Variants in PCDHGB7 observed in about 807,000 individuals in gnomAD.
The protein encoded by PCDHGB7 is protocadherin gamma subfamily B, 7.
A neutral mutation model predicts 61.4 loss-of-function variants in PCDHGB7; 37 were observed. The ratio of observed to expected loss-of-function variants is 0.60; its 90% CI spans 0.46 to 0.79. The LOEUF is 0.79. Ranked by LOEUF, PCDHGB7 falls within the 30% of genes least tolerant of loss-of-function variation. The pLI is 0.00. For synonymous variants in PCDHGB7, 464 were observed against 503.5 expected (o/e 0.92, Z 1.05); for missense variants, 1,166 against 1,202.5 (o/e 0.97, Z 0.45).
chr5:141,443,243 C>T (rs755331096), intron 1 of PCDHGB7, among the ~76,000 whole-genome samples: 9 of 151,618 alleles, frequency 5.9e-5, no homozygotes, highest in Non-Finnish European at 1.0e-4. Flanking sequence ...CACTTTGGGG[C>T]GCCAAGGCGG....
chr5:141,476,040 G>T lies in PCDHGB7; in HGVS notation c.2416-18767G>T. On this transcript the variant is annotated intron_variant, in intron 1 of 3. Coordinates refer to ENST00000398594, the MANE Select transcript of PCDHGB7 (RefSeq NM_018927.4). This position sits in a 1 kb window ranked among gnomAD's most constrained non-coding sequence, Gnocchi z 7.6. ...CGGACTCGGCGCCCAGCGCCCAAGC[G>T]CTAACCCGCTGAAAGTTTCTCAGCG... is the stretch of plus-strand genomic sequence containing the variant. 1 of 1,488,704 alleles carries T rather than the reference G, an allele frequency of 6.7e-7. No homozygotes were observed. 92.2% of individuals were successfully genotyped at this position (1,488,704 alleles called of 1,614,324 possible).
chr5:141,456,327 G>C (rs917430790), intron 1 of PCDHGB7, among the ~76,000 whole-genome samples: 1 of 152,186 alleles, frequency 6.6e-6, no homozygotes, highest in African/African-American at 2.4e-5. Flanking sequence ...TCCTGGGGTT[G>C]ATCTAAGGGT....
At chr5:141,502,660 A>T (rs1423714257) in intron 2 of PCDHGB7, among the ~76,000 whole-genome samples, 2 of 152,208 alleles carry the variant, frequency 1.3e-5, no homozygotes, top group African/African-American at 4.8e-5. Flanking sequence ...GCAACCCTTC[A>T]TGCAATTTTA....
chr5:141,454,575 T>G (rs1430018751), intron 1 of PCDHGB7, among the ~76,000 whole-genome samples: 1 of 151,400 alleles, frequency 6.6e-6, no homozygotes, highest in African/African-American at 2.4e-5. Context: ...CCCGGCTAAT[T>G]TTGTATTTTT....
intron 1 of PCDHGB7, chr5:141,422,608 T>A: frequency 5.0e-6 from 8 of 1,613,956 alleles, no homozygotes; most frequent in Non-Finnish European, 5.1e-6. Context: ...TTACTCTGCC[T>A]ACATTCCCGA....
rs759647406 is a variant in PCDHGB7 at position 141,493,849 on chromosome 5, A to G, written c.2416-958A>G. Among the ~76,000 whole-genome samples the G allele has an allele frequency of 6.6e-6, 1 of 152,178 alleles. No individual in the cohort carries two copies. The highest frequency in any genetic ancestry group is 1.5e-5 in the Non-Finnish European group (1 of 68,028). ...CTGGGAGCAAGTATGAGTATTAATT[A>G]CCAGCCCACCCCAGAACCAGTGAGG... On this transcript the variant is annotated intron_variant, in intron 1 of 3. Coordinates refer to ENST00000398594, the MANE Select transcript of PCDHGB7 (RefSeq NM_018927.4). The surrounding 1 kb of genome is among the most constrained non-coding windows in gnomAD (Gnocchi z 4.3).
chr5:141,418,233 ATGT>A lies in PCDHGB7; in HGVS notation c.376_378del (p.Val126del). The A allele has an allele frequency of 6.2e-7, 1 of 1,614,048 alleles. No individual in the cohort carries two copies. The highest frequency in any genetic ancestry group is 1.7e-5 in the Admixed American group (1 of 60,028). On this transcript the variant is annotated inframe_deletion, in exon 1 of 4. Transcript: ENST00000398594. ...TTTCATGTCATTGTGGTGATTGAGG[ATGT>A]TAATGACCACGCCCCTCAATTCCGG...
intron 1 of PCDHGB7, chr5:141,423,206 C>A: frequency 6.2e-7 from 1 of 1,613,668 alleles, no homozygotes. Context: ...GCCACCGTCA[C>A]GCTCACCGTG....
intron 3 of PCDHGB7, among the ~76,000 whole-genome samples, chr5:141,510,440 C>T (rs1251795430): frequency 6.6e-6 from 1 of 152,066 alleles, no homozygotes; most frequent in Non-Finnish European, 1.5e-5. Context: ...TGCTGCCCTC[C>T]AGGAGCCCAT....
rs1481171398 is a variant in PCDHGB7 at position 141,455,879 on chromosome 5, ATTT to A, written c.2415+35606_2415+35608del. 3.8e-4 allele frequency among the ~76,000 whole-genome samples: 56 copies of A among 147,786 alleles called. No individual in the cohort carries two copies. In the East Asian group the frequency reaches 8.9e-3, roughly 23 times the overall value. On this transcript the variant is annotated intron_variant, in intron 1 of 3. Coordinates refer to ENST00000398594, the MANE Select transcript of PCDHGB7 (RefSeq NM_018927.4). ...TCTTTTATTATTTATTTATTTATTTATTTATTTATTTATTTATTTATTTATTTA... is the reference window on the plus strand; with the variant it reads ...TCTTTTATTATTTATTTATTTATTTAATTTATTTATTTATTTATTTATTTA...
In PCDHGB7 at chr5:141,491,665, C is replaced by A; in HGVS notation, c.2416-3142C>A. 1 of 1,613,764 alleles carries A rather than the reference C, an allele frequency of 6.2e-7. No individual in the cohort carries two copies. Among genetic ancestry groups the A allele is most frequent in the Admixed American group, 1.7e-5 (1 of 60,034 alleles). On this transcript the variant is annotated intron_variant, in intron 1 of 3. Coordinates refer to ENST00000398594, the MANE Select transcript of PCDHGB7 (RefSeq NM_018927.4). The surrounding 1 kb of genome is among the most constrained non-coding windows in gnomAD (Gnocchi z 6.9). ...TCTGGCGCTGGAGCCTGACGCCATCCGGTCCCGCTCTAATACGCTGCGGGA... is the reference window on the plus strand; with the variant it reads ...TCTGGCGCTGGAGCCTGACGCCATCAGGTCCCGCTCTAATACGCTGCGGGA...
intron 2 of PCDHGB7, among the ~76,000 whole-genome samples, chr5:141,504,490 TGC>T (rs2099838709): frequency 6.6e-6 from 1 of 152,056 alleles, no homozygotes; most frequent in Non-Finnish European, 1.5e-5. Flanking sequence ...TGGAGGCACC[TGC>T]CCAGTCTGAG....
intron 1 of PCDHGB7, among the ~76,000 whole-genome samples, chr5:141,448,700 G>A (rs2098601460): frequency 6.6e-6 from 1 of 152,106 alleles, no homozygotes; most frequent in African/African-American, 2.4e-5. Context: ...CAGCACTTTG[G>A]GAGGCCGAGG....
In PCDHGB7 at chr5:141,417,913, T is replaced by C; in HGVS notation, c.54T>C (p.Phe18=). The C allele has an allele frequency of 6.2e-7, 1 of 1,601,944 alleles. No individual in the cohort carries two copies. The highest frequency in any genetic ancestry group is 1.8e-5 in the Admixed American group (1 of 57,046). Residue 18 remains phenylalanine (F), a synonymous_variant, in exon 1 of 4, where the codon TTT becomes TTC. Transcript: ENST00000398594. The part of the protein sequence containing the change: ...RRRAGPRQVL[F]PLLLPLFYPT... ...GGGCCGGCCCGCGGCAGGTACTATTTCCTTTGCTGCTGCCTTTGTTCTACC... is the reference window on the plus strand; with the variant it reads ...GGGCCGGCCCGCGGCAGGTACTATTCCCTTTGCTGCTGCCTTTGTTCTACC...
intron 1 of PCDHGB7, among the ~76,000 whole-genome samples, chr5:141,424,873 A>G (rs549945556): frequency 3.9e-5 from 6 of 152,198 alleles, no homozygotes; most frequent in Non-Finnish European, 8.8e-5. Context: ...CAAATGAGGA[A>G]AGGAGACTTA....
chr5:141,421,751 C>T (rs751678934), intron 1 of PCDHGB7: 1 of 1,613,932 alleles, frequency 6.2e-7, no homozygotes, highest in South Asian at 1.1e-5. Context: ...CAGCTCAGCC[C>T]TAATAATTAC....
In PCDHGB7 at chr5:141,418,511, G is replaced by A; in HGVS notation, c.652G>A (p.Gly218Arg). Reference sequence around the variant, plus strand: ...CTTGGTACTGACCGCCTTAGATGGTGGGGACCCTCCCCGAAGCGGTACTGC... The same window carrying A: ...CTTGGTACTGACCGCCTTAGATGGTAGGGACCCTCCCCGAAGCGGTACTGC... ...HHLVLTALDGGDPPRSGTAQI... is the reference protein window; with the variant it reads ...HHLVLTALDGRDPPRSGTAQI... Residue 218 changes from glycine (G) to arginine (R), a missense_variant, in exon 1 of 4, where the codon GGG (glycine) becomes AGG (arginine). Physicochemically the swap from Gly to Arg is moderately radical, Grantham distance 125. Transcript: ENST00000398594. 9 of 1,613,974 alleles carry A rather than the reference G, an allele frequency of 5.6e-6. No homozygotes were observed. Among genetic ancestry groups the A allele is most frequent in the Non-Finnish European group, 7.6e-6 (9 of 1,179,878 alleles).
At chr5:141,421,146 C>T in intron 1 of PCDHGB7, 1 of 1,015,090 alleles carries the variant, frequency 9.9e-7, no homozygotes, top group Non-Finnish European at 1.4e-6. Flanking sequence ...TGGATGTAGT[C>T]GGCCTAGGAC....
chr5:141,439,066 G>A (rs1004595196), intron 1 of PCDHGB7, among the ~76,000 whole-genome samples: 2 of 151,258 alleles, frequency 1.3e-5, no homozygotes, highest in African/African-American at 2.4e-5. Context: ...TGTGGCAGGC[G>A]CCTGTAATCC....
Sources: allele counts gnomAD v4.1 joint callset (sites outside exome capture counted in the v4.1 genomes callset), GRCh38; gene constraint gnomAD v4.1.1; non-coding constraint Gnocchi (gnomAD v3.1); transcripts MANE v1.5; gene names NCBI Gene and HGNC (gene_info 2026-07-23, HGNC 2026-07-21).